INO80D: variants seen among roughly 807,000 people sequenced by gnomAD.
INO80D encodes the protein INO80 complex subunit D.
Under a neutral mutation model 87.6 loss-of-function variants are expected in INO80D, and 21 were observed. That is an observed-to-expected ratio of 0.24 (90% confidence interval 0.17 to 0.35). The LOEUF (loss-of-function observed/expected upper bound fraction) is 0.35, where lower values mean the gene tolerates loss of function less well. INO80D is among the 10% of genes least tolerant of loss of function. The pLI is 1.00. For missense variants in INO80D, 982 were observed against 1,280.7 expected (o/e 0.77, Z 3.56); for synonymous variants, 440 against 491.0 (o/e 0.90, Z 1.37).
At chr2:206,020,893 A>G (rs1418910180) in intron 6 of INO80D, among the ~76,000 whole-genome samples, 2 of 152,134 alleles carry the variant, frequency 1.3e-5, no homozygotes, top group Non-Finnish European at 2.9e-5. Context: ...GCAGTGGTTC[A>G]TGACTGTAAT....
At position 206,048,127 on chromosome 2, in the gene INO80D, T is replaced by G. The variant is rs570494265; in HGVS notation, c.965-1515A>C. On this transcript the variant is annotated intron_variant, in intron 4 of 10. Transcript: ENST00000403263. ...GCCTTGGCCTCCCAAAGTGCTGGGA[T>G]TACAGGCGTGAGCCACCGTGCCCAG... 1.8e-3 allele frequency among the ~76,000 whole-genome samples: 268 copies of G among 152,316 alleles called. 1 individual carries two copies. The highest frequency in any genetic ancestry group is 6.2e-3 in the African/African-American group (256 of 41,582).
intron 8 of INO80D, among the ~76,000 whole-genome samples, chr2:206,010,640 C>T (rs1005931128): frequency 2.0e-5 from 3 of 151,994 alleles, no homozygotes; most frequent in African/African-American, 7.2e-5. Flanking sequence ...CTATCACTAG[C>T]ATCAAAAAAT....
intron 1 of INO80D, among the ~76,000 whole-genome samples, chr2:206,078,399 C>T (rs1690181980): frequency 6.6e-6 from 1 of 152,058 alleles, no homozygotes; most frequent in Admixed American, 6.6e-5. Context: ...CCTGGCAACA[C>T]AGCGAGACTC....
intron 5 of INO80D, among the ~76,000 whole-genome samples, chr2:206,040,996 C>T (rs1412534070): frequency 1.3e-5 from 2 of 152,172 alleles, no homozygotes; most frequent in East Asian, 1.9e-4. Context: ...CACTGTTATA[C>T]GTTCTTATGC....
At chr2:206,021,221 A>C (rs564788321) in intron 6 of INO80D, among the ~76,000 whole-genome samples, 1 of 152,206 alleles carries the variant, frequency 6.6e-6, no homozygotes, top group East Asian at 1.9e-4. Flanking sequence ...TCAGGGTTTC[A>C]ATGGAATTAT....
intron 6 of INO80D, among the ~76,000 whole-genome samples, chr2:206,026,299 A>G (rs190133670): frequency 1.3e-5 from 2 of 152,292 alleles, no homozygotes; most frequent in East Asian, 3.9e-4. Context: ...TGATCCCAGG[A>G]CTTTGGGAGG....
Position 206,050,943 on chromosome 2 carries a change from C to G in INO80D, c.965-4331G>C, listed in dbSNP as rs897642707. 6.0e-5 allele frequency among the ~76,000 whole-genome samples: 9 copies of G among 150,896 alleles called. No homozygotes were observed. In the East Asian group the frequency reaches 1.8e-3, roughly 30 times the overall value. The stretch of plus-strand genomic sequence containing the variant: ...GAGATCCCGCCACTGCACTACAGCC[C>G]GGGTGACAGAGCGAAACTCCGTCTC... On this transcript the variant is annotated intron_variant, in intron 4 of 10. Transcript: ENST00000403263.
intron 6 of INO80D, among the ~76,000 whole-genome samples, chr2:206,020,066 C>T: frequency 6.7e-6 from 1 of 149,834 alleles, no homozygotes; most frequent in East Asian, 2.0e-4. Context: ...ATAATTACAT[C>T]AGAATATGTT....
At chr2:206,064,529 C>T (rs1346830914) in intron 1 of INO80D, among the ~76,000 whole-genome samples, 2 of 152,188 alleles carry the variant, frequency 1.3e-5, no homozygotes, top group Non-Finnish European at 2.9e-5. Flanking sequence ...CAAAATCTGC[C>T]ACTTGCTGTG....
Position 206,004,381 on chromosome 2 carries a change from G to C in INO80D, c.3071C>G (p.Pro1024Arg), listed in dbSNP as rs566630670. 52 of 1,593,682 alleles carry C rather than the reference G, an allele frequency of 3.3e-5. No individual in the cohort carries two copies. The South Asian group carries it at 5.3e-4, about 16-fold the overall frequency. The change falls in exon 11 of 11, where the codon CCC (proline) becomes CGC (arginine). Residue 1024 changes from proline to arginine, a missense_variant. Coordinates refer to ENST00000403263, the MANE Select transcript of INO80D (RefSeq NM_017759.5). This position sits in a 1 kb window ranked among gnomAD's most constrained non-coding sequence, Gnocchi z 4.9. ...ACACAGACACCCTCAGTTAGGGGAG[G>C]GAAAGGGAGAAGATGCATTATTGGT... ...TSTNNASSPF[P>R]SPN is the part of the protein sequence containing the mutation.
At position 206,004,248 on chromosome 2, in the gene INO80D, G is replaced by T; in HGVS notation, c.*120C>A. 1 of 901,054 alleles carries T rather than the reference G, an allele frequency of 1.1e-6. No homozygotes were observed. Among genetic ancestry groups the T allele is most frequent in the Non-Finnish European group, 1.7e-6 (1 of 592,150 alleles). The allele number at this position is 901,054 out of a possible 1,614,324, so 55.8% of individuals were successfully genotyped here. A position where few individuals can be genotyped will look rare whatever the true frequency, so the allele number is the denominator to read the frequency against. On this transcript the variant is annotated 3_prime_UTR_variant, in exon 11 of 11. Coordinates refer to ENST00000403263, the MANE Select transcript of INO80D (RefSeq NM_017759.5). This position sits in a 1 kb window ranked among gnomAD's most constrained non-coding sequence, Gnocchi z 4.9. ...GGCCACTCATTGAACTGGGAAGGGGGGTGCCCCTCTGATCCCCATCTGTTA... is the reference window on the plus strand; with the variant it reads ...GGCCACTCATTGAACTGGGAAGGGGTGTGCCCCTCTGATCCCCATCTGTTA...
intron 6 of INO80D, among the ~76,000 whole-genome samples, chr2:206,026,660 AAC>A (rs1688623556): frequency 6.7e-6 from 1 of 149,370 alleles, no homozygotes; most frequent in African/African-American, 2.4e-5. Context: ...TTTTATATAT[AAC>A]AGATATTTTA....
chr2:206,005,345 G>A lies in INO80D; in HGVS notation c.2107C>T (p.Gln703Ter). Reference protein sequence around the residue: ...FSTGTGASGIQSLSREVNTDL... With the variant: ...FSTGTGASGI Reference sequence around the variant, plus strand: ...GTGTTCACCTCTCGGCTCAAGGATTGTATTCCTGAAGCTCCAGTACCTGTG... The same window carrying A: ...GTGTTCACCTCTCGGCTCAAGGATTATATTCCTGAAGCTCCAGTACCTGTG... The change falls in exon 11 of 11, where the codon CAA becomes TAA. Residue 703 changes from glutamine (Q) to a stop codon, truncating the protein, a stop_gained. Transcript: ENST00000403263. LOFTEE classifies it high-confidence loss of function. 1 of 1,613,976 alleles carries A rather than the reference G, an allele frequency of 6.2e-7. No homozygotes were observed. Among genetic ancestry groups the A allele is most frequent in the Non-Finnish European group, 8.5e-7 (1 of 1,179,882 alleles).
intron 4 of INO80D, among the ~76,000 whole-genome samples, chr2:206,047,668 A>C (rs1042027134): frequency 6.6e-6 from 1 of 152,170 alleles, no homozygotes. Flanking sequence ...ACAACAAAAA[A>C]AAAAAATCAA....
chr2:206,054,671 AC>A (rs561087325), intron 4 of INO80D, among the ~76,000 whole-genome samples: 162 of 151,700 alleles, frequency 1.1e-3, no homozygotes, highest in African/African-American at 3.7e-3. Context: ...GCACCACCAC[AC>A]CCGGCTATTT....
intron 6 of INO80D, among the ~76,000 whole-genome samples, chr2:206,020,610 T>C (rs563160998): frequency 6.6e-6 from 1 of 152,316 alleles, no homozygotes; most frequent in East Asian, 1.9e-4. Context: ...ATTTAAATTT[T>C]TTTTTATCTC....
chr2:206,083,204 G>A (rs759548190), intron 1 of INO80D, among the ~76,000 whole-genome samples: 1 of 152,152 alleles, frequency 6.6e-6, no homozygotes, highest in Non-Finnish European at 1.5e-5. Context: ...ACATGTTTGA[G>A]GTAGGGTGGG....
chr2:206,080,902 C>CAAAAAAAAAAAA (rs60198558), intron 1 of INO80D, among the ~76,000 whole-genome samples: 2 of 38,058 alleles, frequency 5.3e-5, no homozygotes, highest in African/African-American at 1.6e-4. Flanking sequence ...GACTCAGTCT[C>CAAAAAAAAAAAA]AAAAAAAAAA....
intron 6 of INO80D, among the ~76,000 whole-genome samples, chr2:206,021,890 TG>T (rs1330359668): frequency 6.6e-6 from 1 of 151,986 alleles, no homozygotes; most frequent in Non-Finnish European, 1.5e-5. Context: ...CTGGGATTAC[TG>T]GCATGAGTCA....
Sources: allele counts gnomAD v4.1 joint callset (sites outside exome capture counted in the v4.1 genomes callset), GRCh38; gene constraint gnomAD v4.1.1; non-coding constraint Gnocchi (gnomAD v3.1); transcripts MANE v1.5; gene names NCBI Gene and HGNC (gene_info 2026-07-23, HGNC 2026-07-21).